The following ARAP1 variants were observed in gnomAD, a reference collection of about 807,000 sequenced individuals.
The protein encoded by ARAP1 is ArfGAP with RhoGAP domain, ankyrin repeat and PH domain 1, also known as arf-GAP with Rho-GAP domain, ANK repeat and PH domain-containing protein 1.
Under a neutral mutation model 172.2 loss-of-function variants are expected in ARAP1, and 76 were observed. The observed-to-expected ratio is 0.44, with a 90% CI of 0.37 to 0.53. The LOEUF (loss-of-function observed/expected upper bound fraction) is 0.53. Among genes scored for constraint, ARAP1 ranks in the 20% least tolerant of loss-of-function variants. ARAP1 has a pLI of 0.00. For missense variants in ARAP1, 1,686 were observed against 1,977.5 expected (o/e 0.85, Z 2.80); for synonymous variants, 804 against 803.3 (o/e 1.00, Z -0.01).
chr11:72,731,332 G>A (rs984037112), intron 2 of ARAP1, among the ~76,000 whole-genome samples: 4 of 152,164 alleles, frequency 2.6e-5, no homozygotes, highest in East Asian at 3.9e-4. Flanking sequence ...CTGGGGTCAC[G>A]GGGACAGATC....
In ARAP1 at chr11:72,699,626, G is replaced by A. The variant is rs1454914996; in HGVS notation, c.2303-74C>T. Reference sequence around the variant, plus strand: ...GAAAACCACCTCTGCATCCTCCCGGGGCTCCTGCTCCCATCTGACCCATGA... The same window carrying A: ...GAAAACCACCTCTGCATCCTCCCGGAGCTCCTGCTCCCATCTGACCCATGA... On this transcript the variant is annotated intron_variant, in intron 16 of 34. Transcript: ENST00000393609. The surrounding 1 kb of genome is among the most constrained non-coding windows in gnomAD (Gnocchi z 4.2). 18 of 1,539,958 alleles carry A rather than the reference G, an allele frequency of 1.2e-5. No homozygotes were observed.
At chr11:72,717,506 C>T (rs1336652728) in intron 3 of ARAP1, among the ~76,000 whole-genome samples, 1 of 152,176 alleles carries the variant, frequency 6.6e-6, no homozygotes, top group Admixed American at 6.5e-5. Flanking sequence ...CAGCATCAGC[C>T]CCCCTCCTCT....
chr11:72,686,257 G>A (rs1488361822), intron 33 of ARAP1, 66 bp from the exon 34 acceptor site: 7 of 1,548,304 alleles, frequency 4.5e-6, no homozygotes, highest in Admixed American at 1.8e-5. Context: ...CCTCAGATCT[G>A]CCCACCCTTC....
At chr11:72,705,584 A>G (rs989190252) in intron 13 of ARAP1, 6 of 478,890 alleles carry the variant, frequency 1.3e-5, no homozygotes, top group East Asian at 3.3e-5. Context: ...TTAAAAAAAA[A>G]TAACACTTTA....
rs113993784 is a variant in ARAP1, at chr11:72,714,300, C to T, written c.531G>A (p.Glu177=). 65 of 1,547,490 alleles carry T rather than the reference C, an allele frequency of 4.2e-5. No homozygotes were observed. The highest frequency in any genetic ancestry group is 2.1e-4 in the African/African-American group (15 of 72,606). ...GGGATGATAATGATGGCAGCAATGA[C>T]TCCTCCTCCTTAGTGGGCAGGCTGG... is the stretch of plus-strand genomic sequence containing the variant. The part of the protein sequence containing the change: ...LLVSLPTKEE[E]SLLPSLSSPP... The change falls in exon 4 of 35, where the codon GAG becomes GAA. Residue 177 remains glutamate, a synonymous_variant. Coordinates refer to ENST00000393609, the MANE Select transcript of ARAP1 (RefSeq NM_001040118.3).
intron 2 of ARAP1, among the ~76,000 whole-genome samples, chr11:72,730,729 C>G (rs1185673554): frequency 6.6e-6 from 1 of 152,160 alleles, no homozygotes; most frequent in African/African-American, 2.4e-5. Flanking sequence ...GATGGCTGAC[C>G]CAGCCACCCA....
In ARAP1 at chr11:72,716,400, AG is replaced by A. The variant is rs1857275310; in HGVS notation, c.510-2080del. ...CTGTGTGAAGAGCTGGCCTTCGGCT[AG>A]GTTTCCAGCTCTGTTCCCCTAGAAA... is the stretch of plus-strand genomic sequence containing the variant. On this transcript the variant is annotated intron_variant, in intron 3 of 34. Transcript: ENST00000393609. Among the ~76,000 whole-genome samples, 3 of 152,358 alleles carry A rather than the reference AG, an allele frequency of 2.0e-5. No homozygotes were observed. In the South Asian group the frequency reaches 6.2e-4, roughly 32 times the overall value.
intron 11 of ARAP1, among the ~76,000 whole-genome samples, chr11:72,708,854 C>T (rs551128046): frequency 6.9e-4 from 105 of 152,242 alleles, no homozygotes; most frequent in Non-Finnish European, 1.0e-3. Flanking sequence ...CTGACCAACA[C>T]GGCAAAACCC....
intron 31 of ARAP1, 58 bp from the exon 32 acceptor site, chr11:72,687,796 C>T: frequency 6.3e-7 from 1 of 1,595,184 alleles, no homozygotes. Context: ...GCTCAACACC[C>T]CAGTTCCCAG....
intron 3 of ARAP1, among the ~76,000 whole-genome samples, chr11:72,720,944 G>A (rs1322604918): frequency 1.3e-5 from 2 of 152,204 alleles, no homozygotes; most frequent in East Asian, 3.9e-4. Context: ...AGGTGGCAGA[G>A]GCCCCTTTCC....
chr11:72,744,615 G>T (rs540580845), intron 1 of ARAP1, among the ~76,000 whole-genome samples: 2 of 152,332 alleles, frequency 1.3e-5, no homozygotes, highest in South Asian at 2.1e-4. Flanking sequence ...GGCAAGTCAG[G>T]ACCATGACTC....
chr11:72,711,220 A>G, intron 8 of ARAP1, 79 bp from the exon 9 acceptor site: 3 of 1,580,308 alleles, frequency 1.9e-6, no homozygotes, highest in Non-Finnish European at 2.6e-6. Context: ...TGAAGTCTGC[A>G]GCCCTGTCTC....
intron 3 of ARAP1, among the ~76,000 whole-genome samples, chr11:72,716,984 T>G (rs570717996): frequency 9.2e-5 from 14 of 152,274 alleles, no homozygotes; most frequent in Admixed American, 7.8e-4. Flanking sequence ...CTCCCCTACA[T>G]GACCTGAGTC....
chr11:72,711,599 C>G, intron 7 of ARAP1, 100 bp from the exon 8 acceptor site: 2 of 1,018,918 alleles, frequency 2.0e-6, no homozygotes, highest in Non-Finnish European at 3.0e-6. Context: ...TGAGGATCAG[C>G]CAGGTTCTAG....
chr11:72,735,551 G>A (rs1591242462), intron 1 of ARAP1, among the ~76,000 whole-genome samples: 3 of 152,206 alleles, frequency 2.0e-5, no homozygotes, highest in East Asian at 3.9e-4. Context: ...AGCTGAGATC[G>A]TGCCATTGCA....
intron 15 of ARAP1, 139 bp downstream of exon 15, chr11:72,702,766 A>G: frequency 1.8e-6 from 2 of 1,118,758 alleles, no homozygotes; most frequent in South Asian, 3.2e-5. Context: ...CTGACATGCA[A>G]ACCCAAGCAC....
Position 72,697,000 on chromosome 11 carries a change from G to T in ARAP1, c.3149C>A (p.Thr1050Asn). 1.2e-6 allele frequency: 2 copies of T among 1,606,838 alleles called. No individual in the cohort carries two copies. The highest frequency in any genetic ancestry group is 1.7e-6 in the Non-Finnish European group (2 of 1,179,698). ...GGGCCCACCTGAGGCCTCCAGCCAGGTTAGGCGCTGGGCGCGAGTGAAGAG... is the reference window on the plus strand; with the variant it reads ...GGGCCCACCTGAGGCCTCCAGCCAGTTTAGGCGCTGGGCGCGAGTGAAGAG... ...DGLFTRAQRL[T>N]WLEASEIEDE... Residue 1050 changes from threonine (T) to asparagine (N), a missense_variant, in exon 22 of 35, where the codon ACC (threonine) becomes AAC (asparagine). Physicochemically the swap from Thr to Asn is moderately conservative, Grantham distance 65. This residue lies in a region of ARAP1 where 274 missense variants were observed against 262.7 expected (regional missense o/e 1.04). Transcript: ENST00000393609.
Position 72,702,899 on chromosome 11 carries a change from G to A in ARAP1, c.2167+6C>T, listed in dbSNP as rs764152550. ...CTGGTGGACCCCCACCCTCTGCCAC[G>A]CTCACCTGTGGTCCGGTTGTTCCGA... On this transcript the variant is annotated splice_donor_region_variant and intron_variant, in intron 15 of 34. Transcript: ENST00000393609. 5.8e-6 allele frequency: 9 copies of A among 1,552,280 alleles called. No homozygotes were observed. The highest frequency in any genetic ancestry group is 2.4e-5 in the East Asian group (1 of 41,046).
chr11:72,697,646 A>C lies in ARAP1; in HGVS notation c.2741T>G (p.Ile914Ser). The change falls in exon 20 of 35, where the codon ATC becomes AGC. Residue 914 changes from isoleucine (I) to serine (S), a missense_variant. Coordinates refer to ENST00000393609, the MANE Select transcript of ARAP1 (RefSeq NM_001040118.3). ...LQLRKLQELS[I>S]QGDSENQVLV... ...CACCTGGTTCTCACTGTCCCCCTGG[A>C]TGGCTGTGGAGGGGTTAGTCAAGGT... 1 of 1,614,066 alleles carries C rather than the reference A, an allele frequency of 6.2e-7. No homozygotes were observed. Among genetic ancestry groups the C allele is most frequent in the Non-Finnish European group, 8.5e-7 (1 of 1,179,956 alleles).
Sources: allele counts gnomAD v4.1 joint callset (sites outside exome capture counted in the v4.1 genomes callset), GRCh38; gene constraint gnomAD v4.1.1; regional missense constraint gnomAD v4.1.1; non-coding constraint Gnocchi (gnomAD v3.1); transcripts MANE v1.5; gene names NCBI Gene and HGNC (gene_info 2026-07-23, HGNC 2026-07-21).